CFAP44: variants seen among roughly 807,000 people sequenced by gnomAD.
The protein encoded by CFAP44 is cilia and flagella associated protein 44.
In CFAP44, 134 loss-of-function variants were observed where a neutral mutation model predicts 216.2. That is an observed-to-expected ratio of 0.62 (90% CI 0.54 to 0.72). CFAP44 has a LOEUF of 0.72. Among genes scored for constraint, CFAP44 ranks in the 30% least tolerant of loss-of-function variants. The probability of loss-of-function intolerance (pLI) is 0.00; values close to 1 mark genes in which losing one functional copy is unlikely to be tolerated. For missense variants in CFAP44, 2,035 were observed against 2,182.1 expected (o/e 0.93, Z 1.34); for synonymous variants, 700 against 727.6 (o/e 0.96, Z 0.61).
intron 2 of CFAP44, among the ~76,000 whole-genome samples, chr3:113,428,086 C>A (rs566044119): frequency 1.3e-4 from 20 of 152,152 alleles, no homozygotes; most frequent in Non-Finnish European, 1.5e-4. Flanking sequence ...CCTTAGGATG[C>A]GTGTATTTGG....
rs1322516546 is a variant in CFAP44, at chr3:113,406,610, C to T, written c.1005+317G>A. 7.0e-4 allele frequency among the ~76,000 whole-genome samples: 104 copies of T among 147,788 alleles called. 1 individual carries two copies. The highest frequency in any genetic ancestry group is 2.5e-3 in the African/African-American group (100 of 39,984). ...CTGCACTCCAGCCTGGGCAACAGAGCGAGACCCTGTCTCAAAAAAAAAAAA... is the reference window on the plus strand; with the variant it reads ...CTGCACTCCAGCCTGGGCAACAGAGTGAGACCCTGTCTCAAAAAAAAAAAA... On this transcript the variant is annotated intron_variant, in intron 8 of 34. Coordinates refer to ENST00000393845, the MANE Select transcript of CFAP44 (RefSeq NM_001164496.2).
chr3:113,387,426 A>G (rs149365044), intron 15 of CFAP44, among the ~76,000 whole-genome samples: 90 of 152,226 alleles, frequency 5.9e-4, no homozygotes, highest in East Asian at 3.9e-3. Flanking sequence ...TGATATCTCC[A>G]GACACACCCT....
At chr3:113,381,633 C>A (rs1008079113) in intron 15 of CFAP44, among the ~76,000 whole-genome samples, 3 of 152,156 alleles carry the variant, frequency 2.0e-5, no homozygotes, top group Non-Finnish European at 4.4e-5. Flanking sequence ...TCTCTCCAGC[C>A]CAGACCTGTC....
At chr3:113,370,769 A>G (rs1933126866) in intron 18 of CFAP44, among the ~76,000 whole-genome samples, 2 of 152,202 alleles carry the variant, frequency 1.3e-5, no homozygotes, top group African/African-American at 4.8e-5. Context: ...ATATTCAATT[A>G]GGAAAAGAGG....
chr3:113,358,626 C>T, intron 22 of CFAP44, 119 bp downstream of exon 22: 1 of 1,279,264 alleles, frequency 7.8e-7, no homozygotes, highest in Non-Finnish European at 1.0e-6. Flanking sequence ...CTTGAGATTT[C>T]AAGTCAGTGG....
rs1365640129 is a variant in CFAP44, at chr3:113,409,150, A to T, written c.846T>A (p.Pro282=). The T allele has an allele frequency of 6.2e-7, 1 of 1,614,018 alleles. No individual in the cohort carries two copies. The highest frequency in any genetic ancestry group is 1.7e-5 in the Admixed American group (1 of 60,002). The stretch of plus-strand genomic sequence containing the variant: ...ATGTAGTAAGCTGCTCTTCCTTATC[A>T]GGATTGAAAGTAACCTTAAAAACTT... ...SQEVFKVTFN[P]DKEEQLTTSG... is the part of the protein sequence containing the mutation. The change falls in exon 7 of 35, where the codon CCT becomes CCA. Residue 282 remains proline (P), a synonymous_variant. Coordinates refer to ENST00000393845, the MANE Select transcript of CFAP44 (RefSeq NM_001164496.2).
intron 2 of CFAP44, among the ~76,000 whole-genome samples, chr3:113,429,895 C>T (rs543404475): frequency 6.6e-6 from 1 of 152,106 alleles, no homozygotes; most frequent in South Asian, 2.1e-4. Context: ...TATAGTAACA[C>T]GTATCTTTCA....
intron 17 of CFAP44, 109 bp downstream of exon 17, chr3:113,379,195 AAT>A: frequency 1.1e-6 from 1 of 874,196 alleles, no homozygotes; most frequent in Non-Finnish European, 1.6e-6. Flanking sequence ...TCTAAAAAAA[AAT>A]AAATAGATAA....
chr3:113,334,809 A>G (rs766303970), intron 24 of CFAP44, among the ~76,000 whole-genome samples: 1 of 152,234 alleles, frequency 6.6e-6, no homozygotes, highest in African/African-American at 2.4e-5. Context: ...GCACTCAGGT[A>G]TCTAAAGGTA....
chr3:113,321,418 C>T (rs910200833), intron 28 of CFAP44, among the ~76,000 whole-genome samples: 5 of 152,206 alleles, frequency 3.3e-5, no homozygotes, highest in African/African-American at 1.2e-4. Context: ...CAACATCATA[C>T]TGAATAGGCA....
rs776820816 is a variant in CFAP44, at chr3:113,401,234, AC to A, written c.1374+5del. 1 of 1,584,110 alleles carries A rather than the reference AC, an allele frequency of 6.3e-7. No homozygotes were observed. Among genetic ancestry groups the A allele is most frequent in the Non-Finnish European group, 8.5e-7 (1 of 1,170,014 alleles). On this transcript the variant is annotated splice_donor_5th_base_variant and intron_variant, in intron 11 of 34. Coordinates refer to ENST00000393845, the MANE Select transcript of CFAP44 (RefSeq NM_001164496.2). ...TAGGAGAAAATAAGAATAATAGGCA[AC>A]TTACAATATTTGAAAAACTAAGGTC...
intron 34 of CFAP44, chr3:113,294,202 C>A (rs141264789): frequency 1.4e-3 from 507 of 361,172 alleles, no homozygotes; most frequent in Non-Finnish European, 2.3e-3. Context: ...ATATCCACCA[C>A]ATACAATGTA....
At chr3:113,435,858 C>CGTGT (rs59468932) in intron 1 of CFAP44, among the ~76,000 whole-genome samples, 118 of 147,860 alleles carry the variant, frequency 8.0e-4, no homozygotes, top group African/African-American at 2.2e-3. Flanking sequence ...AGTGTATGTA[C>CGTGT]GTGTGTGTGT....
intron 28 of CFAP44, among the ~76,000 whole-genome samples, chr3:113,320,502 ATCTAGATATACAGTACT>A (rs1177947656): frequency 5.9e-5 from 7 of 119,422 alleles, no homozygotes; most frequent in East Asian, 4.6e-4. Context: ...TGTAATATAT[ATCTAGATATACAGTACT>A]TAATGAAGTT....
chr3:113,320,070 T>C (rs1164916113), intron 28 of CFAP44, among the ~76,000 whole-genome samples: 1 of 152,010 alleles, frequency 6.6e-6, no homozygotes, highest in African/African-American at 2.4e-5. Context: ...TAGAACAATA[T>C]TGAATTCTGA....
At position 113,395,768 on chromosome 3, in the gene CFAP44, C is replaced by T. The variant is rs368080560; in HGVS notation, c.1872G>A (p.Met624Ile). The T allele has an allele frequency of 3.3e-5, 53 of 1,612,192 alleles. No individual in the cohort carries two copies. In the African/African-American group the frequency reaches 6.0e-4, roughly 18 times the overall value. Residue 624 changes from methionine to isoleucine, a missense_variant, in exon 15 of 35, where the codon ATG becomes ATA. By Grantham distance (10) the Met-to-Ile change is conservative. Coordinates refer to ENST00000393845, the MANE Select transcript of CFAP44 (RefSeq NM_001164496.2). The part of the protein sequence containing the change: ...INTPGPVCQL[M>I]WSPMSHPEST... Reference sequence around the variant, plus strand: ...GACTTACATGAGACATGGGAGACCACATTAACTGACACACAGGTCCAGGAG... The same window carrying T: ...GACTTACATGAGACATGGGAGACCATATTAACTGACACACAGGTCCAGGAG...
At chr3:113,405,560 T>C (rs560875033) in intron 8 of CFAP44, among the ~76,000 whole-genome samples, 3 of 152,324 alleles carry the variant, frequency 2.0e-5, no homozygotes, top group East Asian at 3.9e-4. Context: ...TGCCTACCTA[T>C]TAAACTCCTT....
chr3:113,405,999 C>T (rs1934266617), intron 8 of CFAP44, among the ~76,000 whole-genome samples: 1 of 152,154 alleles, frequency 6.6e-6, no homozygotes, highest in Admixed American at 6.5e-5. Flanking sequence ...TGTGTGCTGG[C>T]ATTTACTTAC....
chr3:113,288,652 T>G lies in CFAP44; in HGVS notation c.*2905A>C, dbSNP rs750523307. On this transcript the variant is annotated 3_prime_UTR_variant, in exon 35 of 35. Coordinates refer to ENST00000393845, the MANE Select transcript of CFAP44 (RefSeq NM_001164496.2). ...TGATGATCTAAGGTAGCTGTCAAAA[T>G]GAAGTCTGGTGAACTTTTCTGAAGT... 6.6e-6 allele frequency: 1 copy of G among 152,252 alleles called. No individual in the cohort carries two copies. Among genetic ancestry groups the G allele is most frequent in the Non-Finnish European group, 1.5e-5 (1 of 68,088 alleles). The allele number at this position is 152,252 out of a possible 1,614,324, so 9.4% of individuals were successfully genotyped here.
Sources: gnomAD v4.1 joint callset for allele counts (sites outside exome capture counted in the v4.1 genomes callset) on GRCh38, gnomAD v4.1.1 for gene constraint, MANE v1.5 for transcripts, NCBI Gene and HGNC (gene_info 2026-07-23, HGNC 2026-07-21) for gene names.